The following FGF14 variants were observed in gnomAD, a reference collection of about 807,000 sequenced individuals.
FGF14 encodes fibroblast growth factor homologous factor 4.
FGF14 carries 5 observed loss-of-function variants against 25.5 expected under a neutral mutation model. That is an observed-to-expected ratio of 0.20 (90% confidence interval 0.10 to 0.41). FGF14 has a LOEUF of 0.41. Ranked by LOEUF, FGF14 falls within the 10% of genes least tolerant of loss-of-function variation. The pLI, the probability that FGF14 is intolerant of heterozygous loss-of-function variation, is 1.00. For synonymous variants in FGF14, 138 were observed against 118.3 expected (o/e 1.17, Z -1.08); for missense variants, 222 against 320.1 (o/e 0.69, Z 2.34).
intron 1 of FGF14, among the ~76,000 whole-genome samples, chr13:102,106,741 G>A (rs947373001): frequency 1.3e-5 from 2 of 152,192 alleles, no homozygotes; most frequent in Non-Finnish European, 2.9e-5. Flanking sequence ...TTTATAAACA[G>A]TATCTTCACA....
intron 1 of FGF14, among the ~76,000 whole-genome samples, chr13:102,161,626 A>C (rs1222143821): frequency 9.2e-5 from 1 of 10,850 alleles, no homozygotes; most frequent in East Asian, 8.9e-3. Flanking sequence ...GAAGAAGAAG[A>C]AGAAGAAGAA....
At chr13:102,243,135 A>G (rs947033170) in intron 1 of FGF14, among the ~76,000 whole-genome samples, 12 of 152,164 alleles carry the variant, frequency 7.9e-5, no homozygotes, top group African/African-American at 2.2e-4. Context: ...ATAGCAGAGC[A>G]GCAACATGGA....
chr13:102,177,703 A>C (rs2048503906), intron 1 of FGF14, among the ~76,000 whole-genome samples: 1 of 151,902 alleles, frequency 6.6e-6, no homozygotes, highest in East Asian at 1.9e-4. Context: ...GCTCATGGAA[A>C]TCCTGTATTC....
intron 3 of FGF14, among the ~76,000 whole-genome samples, chr13:101,743,472 C>CCAT (rs1393513045): frequency 2.6e-5 from 4 of 152,042 alleles, no homozygotes; most frequent in Non-Finnish European, 5.9e-5. Flanking sequence ...ATGAATGGAA[C>CCAT]CATCATCAAA....
intron 1 of FGF14, among the ~76,000 whole-genome samples, chr13:102,253,458 T>C (rs767231999): frequency 1.3e-5 from 2 of 152,240 alleles, no homozygotes; most frequent in Non-Finnish European, 2.9e-5. Flanking sequence ...TTTGGCTGCA[T>C]AAATGTCTTC....
intron 1 of FGF14, among the ~76,000 whole-genome samples, chr13:102,100,246 T>C (rs1412433664): frequency 6.6e-6 from 1 of 152,130 alleles, no homozygotes; most frequent in Non-Finnish European, 1.5e-5. Context: ...AAATTATATA[T>C]GCAAACCAAA....
chr13:102,204,429 T>C (rs1414652877), intron 1 of FGF14, among the ~76,000 whole-genome samples: 2 of 152,168 alleles, frequency 1.3e-5, no homozygotes, highest in Admixed American at 6.5e-5. Flanking sequence ...AACCTCAGTT[T>C]AGTGGCCAGG....
chr13:101,814,633 G>T (rs2041741912), intron 3 of FGF14, among the ~76,000 whole-genome samples: 1 of 152,130 alleles, frequency 6.6e-6, no homozygotes, highest in Non-Finnish European at 1.5e-5. Flanking sequence ...GTCTGTAATT[G>T]TGTCTTTTGT....
intron 1 of FGF14, among the ~76,000 whole-genome samples, chr13:102,073,498 GTATAA>G (rs2043232877): frequency 6.6e-6 from 1 of 152,156 alleles, no homozygotes; most frequent in African/African-American, 2.4e-5. Context: ...CAACATTTAT[GTATAA>G]TTGGGATCCT....
chr13:102,275,241 T>C (rs1041633072), intron 1 of FGF14, among the ~76,000 whole-genome samples: 1 of 94,644 alleles, frequency 1.1e-5, no homozygotes, highest in Non-Finnish European at 2.1e-5. Context: ...GATTTCTCTC[T>C]CTCTCTCTCT....
At chr13:101,900,648 G>C (rs2031416919) in intron 1 of FGF14, among the ~76,000 whole-genome samples, 1 of 152,132 alleles carries the variant, frequency 6.6e-6, no homozygotes, top group Admixed American at 6.6e-5. Context: ...TGTGTTAGAA[G>C]TCAAGAGAGT....
intron 3 of FGF14, among the ~76,000 whole-genome samples, chr13:101,806,040 A>G (rs570719115): frequency 5.9e-5 from 9 of 152,138 alleles, no homozygotes; most frequent in African/African-American, 2.2e-4. Flanking sequence ...ACATATACGT[A>G]ATATATGTAT....
chr13:101,803,535 A>T (rs1357056249), intron 3 of FGF14, among the ~76,000 whole-genome samples: 2 of 152,058 alleles, frequency 1.3e-5, no homozygotes, highest in East Asian at 3.9e-4. Context: ...CATAATTGGC[A>T]ATATTGTTTT....
rs772637565 is a variant in FGF14 at position 101,714,888 on chromosome 13, A to G, written c.*7943T>C. 6.1e-5 allele frequency: 16 copies of G among 263,830 alleles called. No homozygotes were observed. Among genetic ancestry groups the G allele is most frequent in the Non-Finnish European group, 1.0e-4 (14 of 138,824 alleles). 16.3% of individuals were successfully genotyped at this position (263,830 alleles called of 1,614,324 possible). A position where few individuals can be genotyped will look rare whatever the true frequency, so the allele number is the denominator to read the frequency against. ...AACCATTTTACTTTGAACATGGTAT[A>G]GGGAATGAAATATTCTTTTAAACAG... is the stretch of plus-strand genomic sequence containing the variant. On this transcript the variant is annotated 3_prime_UTR_variant, in exon 5 of 5. Transcript: ENST00000376143.
rs547987436 is a variant in FGF14, at chr13:101,934,170, C to T, written c.209-58874G>A. On this transcript the variant is annotated intron_variant, in intron 1 of 4. Coordinates refer to the FGF14 transcript ENST00000376131. The stretch of plus-strand genomic sequence containing the variant: ...TTAGAAAGCAGTCTGCAAGATGCAG[C>T]GGCAGGTGAAGGCAGCTGATTCTTC... 4.5e-4 allele frequency among the ~76,000 whole-genome samples: 69 copies of T among 152,302 alleles called. 1 individual carries two copies. Among genetic ancestry groups the T allele is most frequent in the Non-Finnish European group, 8.1e-4 (55 of 68,020 alleles).
intron 1 of FGF14, among the ~76,000 whole-genome samples, chr13:102,020,869 G>A (rs2040608222): frequency 6.6e-6 from 1 of 151,646 alleles, no homozygotes; most frequent in Non-Finnish European, 1.5e-5. Context: ...TGACCAAATT[G>A]AAATGGCACA....
chr13:102,101,050 G>C (rs1405162735), intron 1 of FGF14, among the ~76,000 whole-genome samples: 1 of 151,440 alleles, frequency 6.6e-6, no homozygotes, highest in Non-Finnish European at 1.5e-5. Flanking sequence ...AGTGAGCTGA[G>C]ATCACACCAT....
intron 1 of FGF14, among the ~76,000 whole-genome samples, chr13:101,933,949 T>G (rs1466078844): frequency 6.6e-6 from 1 of 152,236 alleles, no homozygotes; most frequent in African/African-American, 2.4e-5. Flanking sequence ...TGTATGTATA[T>G]GTATAATTCA....
chr13:102,004,388 C>A (rs985121631), intron 1 of FGF14, among the ~76,000 whole-genome samples: 1 of 152,120 alleles, frequency 6.6e-6, no homozygotes, highest in Non-Finnish European at 1.5e-5. Flanking sequence ...TTCACCATAC[C>A]ATAGACCAAG....
Sources: gnomAD v4.1 joint callset for allele counts (sites outside exome capture counted in the v4.1 genomes callset) on GRCh38, gnomAD v4.1.1 for gene constraint, MANE v1.5 for transcripts, NCBI Gene and HGNC (gene_info 2026-07-23, HGNC 2026-07-21) for gene names.